Variants in RBKS observed in about 807,000 individuals in gnomAD.
The protein encoded by RBKS is ribokinase.
A neutral mutation model predicts 33.9 loss-of-function variants in RBKS; 33 were observed. That is an observed-to-expected ratio of 0.97 (90% CI 0.74 to 1.30). The LOEUF is 1.30. RBKS is among the 50% of genes most tolerant of loss of function. The pLI, the probability that RBKS is intolerant of heterozygous loss-of-function variation, is 0.00. For missense variants in RBKS, 361 were observed against 392.6 expected (o/e 0.92, Z 0.68); for synonymous variants, 125 against 143.0 (o/e 0.87, Z 0.90).
chr2:27,788,051 A>C (rs1294865266), intron 7 of RBKS, among the ~76,000 whole-genome samples: 2 of 152,208 alleles, frequency 1.3e-5, no homozygotes, highest in Non-Finnish European at 2.9e-5. Context: ...TCATGATAAA[A>C]GTTCAGCAAA....
chr2:27,832,042 T>C (rs1476375609), intron 6 of RBKS, among the ~76,000 whole-genome samples: 1 of 152,190 alleles, frequency 6.6e-6, no homozygotes, highest in Non-Finnish European at 1.5e-5. Flanking sequence ...GTCTGGCTTA[T>C]AAAAAGGGAG....
chr2:27,813,846 G>A (rs937301161), intron 7 of RBKS, among the ~76,000 whole-genome samples: 3 of 152,148 alleles, frequency 2.0e-5, no homozygotes, highest in Non-Finnish European at 4.4e-5. Context: ...TTCAGATCTA[G>A]ATTCCCTGTA....
At position 27,861,672 on chromosome 2, in the gene RBKS, G is replaced by GT. The variant is rs1553380074; in HGVS notation, c.90-3102_90-3101insA. 3.3e-5 allele frequency: 14 copies of GT among 422,912 alleles called. 1 individual carries two copies. The highest frequency in any genetic ancestry group is 1.9e-4 in the African/African-American group (9 of 47,426). The allele number at this position is 422,912 out of a possible 1,614,324, so 26.2% of individuals were successfully genotyped here. A position where few individuals can be genotyped will look rare whatever the true frequency, so the allele number is the denominator to read the frequency against. ...ATGTTCCATTTCTTTTTGGGGGGGGGGTGGAGTCTCACTTTGTCTCCCAGG... is the reference window on the plus strand; with the variant it reads ...ATGTTCCATTTCTTTTTGGGGGGGGGTGTGGAGTCTCACTTTGTCTCCCAGG... On this transcript the variant is annotated intron_variant, in intron 1 of 7. Transcript: ENST00000302188.
At chr2:27,851,120 ATCCAGGTTTCAGTCAC>A (rs1268701347) in intron 2 of RBKS, among the ~76,000 whole-genome samples, 6 of 152,184 alleles carry the variant, frequency 3.9e-5, no homozygotes, top group Admixed American at 3.9e-4. Context: ...CTATGTCTCA[ATCCAGGTTTCAGTCAC>A]TCCTGGTGTG....
chr2:27,886,298 T>C (rs1244164264), intron 1 of RBKS, among the ~76,000 whole-genome samples: 1 of 152,240 alleles, frequency 6.6e-6, no homozygotes, highest in Non-Finnish European at 1.5e-5. Flanking sequence ...AAGTTGGGCT[T>C]GGATGCCATC....
chr2:27,798,978 C>A lies in RBKS; in HGVS notation c.796-17190G>T, dbSNP rs6745545. ...CCCCCTGCCCTCCCCTTGAGGGTAG[C>A]ACGCCTGTCTTCATCACCTCCCTGT... On this transcript the variant is annotated intron_variant, in intron 7 of 7. Coordinates refer to ENST00000302188, the MANE Select transcript of RBKS (RefSeq NM_022128.3). 6.0e-3 allele frequency among the ~76,000 whole-genome samples: 914 copies of A among 152,048 alleles called. 7 individuals carry two copies. Among genetic ancestry groups the A allele is most frequent in the Non-Finnish European group, 7.4e-3 (502 of 67,980 alleles).
intron 2 of RBKS, among the ~76,000 whole-genome samples, chr2:27,853,476 T>C (rs1386777569): frequency 6.6e-6 from 1 of 150,414 alleles, no homozygotes; most frequent in Non-Finnish European, 1.5e-5. Flanking sequence ...CTGGGCAACA[T>C]GGCAAAACCT....
rs549460012 is a variant in RBKS, at chr2:27,866,358, C to A, written c.90-7787G>T. ...TGCTTTTAAGAGTCTCTGTTTATAA[C>A]TGATTTGCAGGAATTTGATCACAAT... is the stretch of plus-strand genomic sequence containing the variant. On this transcript the variant is annotated intron_variant, in intron 1 of 7. Transcript: ENST00000302188. 2.6e-5 allele frequency among the ~76,000 whole-genome samples: 4 copies of A among 152,112 alleles called. No individual in the cohort carries two copies. In the South Asian group the frequency reaches 8.3e-4, roughly 32 times the overall value.
At chr2:27,872,592 C>G (rs1664237533) in intron 1 of RBKS, among the ~76,000 whole-genome samples, 1 of 151,912 alleles carries the variant, frequency 6.6e-6, no homozygotes, top group Admixed American at 6.6e-5. Context: ...TTCATCAGCA[C>G]CACAGGAAAG....
chr2:27,880,491 T>C (rs1475077279), intron 1 of RBKS, among the ~76,000 whole-genome samples: 6 of 152,198 alleles, frequency 3.9e-5, no homozygotes, highest in Admixed American at 1.3e-4. Flanking sequence ...CTATCCCTAT[T>C]TGCATGATTC....
intron 1 of RBKS, among the ~76,000 whole-genome samples, chr2:27,873,199 T>C (rs1664248978): frequency 6.6e-6 from 1 of 152,186 alleles, no homozygotes; most frequent in South Asian, 2.1e-4. Flanking sequence ...CTCTGCTCAT[T>C]ACAACCCAAA....
intron 7 of RBKS, among the ~76,000 whole-genome samples, chr2:27,787,428 G>T (rs1240950810): frequency 2.0e-5 from 3 of 152,112 alleles, no homozygotes; most frequent in Non-Finnish European, 4.4e-5. Flanking sequence ...GTGAGATCCT[G>T]TCCAAACAAA....
intron 7 of RBKS, among the ~76,000 whole-genome samples, chr2:27,821,051 A>AG (rs925852785): frequency 1.4e-4 from 22 of 151,762 alleles, no homozygotes; most frequent in Admixed American, 1.0e-3. Flanking sequence ...AAAAAAAAAA[A>AG]AAAAAAAAAA....
At chr2:27,813,882 G>A (rs752885630) in intron 7 of RBKS, among the ~76,000 whole-genome samples, 1 of 152,146 alleles carries the variant, frequency 6.6e-6, no homozygotes, top group Admixed American at 6.5e-5. Flanking sequence ...GACAAAGAAC[G>A]AGACATTTTA....
intron 5 of RBKS, among the ~76,000 whole-genome samples, chr2:27,833,453 C>T (rs893406626): frequency 6.6e-6 from 1 of 151,958 alleles, no homozygotes; most frequent in African/African-American, 2.4e-5. Context: ...CTAGCTCAGA[C>T]GGAGAGGCTA....
At chr2:27,801,946 TG>T (rs202055511) in intron 7 of RBKS, among the ~76,000 whole-genome samples, 3,825 of 58,902 alleles carry the variant, frequency 0.065, 247 homozygotes, top group Admixed American at 0.19. Flanking sequence ...CCCGAGTAGC[TG>T]GGGAAAAAAA....
intron 7 of RBKS, among the ~76,000 whole-genome samples, chr2:27,784,185 G>A (rs1197781205): frequency 1.3e-5 from 2 of 150,864 alleles, no homozygotes; most frequent in African/African-American, 4.9e-5. Context: ...GGGTTTCACC[G>A]TTTTAGCCGG....
rs141816334 is a variant in RBKS at position 27,829,773 on chromosome 2, C to T, written c.607-2018G>A. ...TCTTGCTCTGCTGTTTCTGGGGCTA[C>T]TGCCAGTCCAGTCACTAAGTCAGTG... On this transcript the variant is annotated intron_variant, in intron 6 of 7. Transcript: ENST00000302188. Among the ~76,000 whole-genome samples, 431 of 152,244 alleles carry T rather than the reference C, an allele frequency of 2.8e-3. 7 individuals carry two copies. Among genetic ancestry groups the T allele is most frequent in the Non-Finnish European group, 9.9e-4 (67 of 68,018 alleles).
chr2:27,867,119 G>GCCTT, intron 1 of RBKS, among the ~76,000 whole-genome samples: 1 of 114,794 alleles, frequency 8.7e-6, no homozygotes, highest in Non-Finnish European at 1.9e-5. Context: ...AAAAAAAAAT[G>GCCTT]CCTTTTTGCT....
Sources: allele counts gnomAD v4.1 joint callset (sites outside exome capture counted in the v4.1 genomes callset), GRCh38; gene constraint gnomAD v4.1.1; transcripts MANE v1.5; gene names NCBI Gene and HGNC (gene_info 2026-07-23, HGNC 2026-07-21).